LRRC7: variants seen among roughly 807,000 people sequenced by gnomAD.
The protein encoded by LRRC7 is leucine rich repeat containing 7, also known as leucine-rich repeat-containing protein 7.
In LRRC7, 23 loss-of-function variants were observed where a neutral mutation model predicts 175.7. The ratio of observed to expected loss-of-function variants is 0.13; its 90% CI spans 0.09 to 0.19. LRRC7 has a LOEUF of 0.19. LRRC7 is among the 10% of genes least tolerant of loss of function. The pLI is 1.00. For synonymous variants in LRRC7, 685 were observed against 680.9 expected (o/e 1.01, Z -0.09); for missense variants, 1,354 against 1,904.7 (o/e 0.71, Z 5.38).
chr1:69,599,153 G>A (rs923016793), intron 1 of LRRC7, among the ~76,000 whole-genome samples: 9 of 152,122 alleles, frequency 5.9e-5, no homozygotes, highest in African/African-American at 1.4e-4. Context: ...AAAAAAAAGG[G>A]CCAGATAGGA....
chr1:70,055,359 G>C (rs1661065932), intron 23 of LRRC7, among the ~76,000 whole-genome samples: 1 of 152,138 alleles, frequency 6.6e-6, no homozygotes, highest in African/African-American at 2.4e-5. Context: ...TTTATTTAAA[G>C]AGCACTCTGA....
chr1:69,685,802 A>C (rs768723026), intron 2 of LRRC7, among the ~76,000 whole-genome samples: 1 of 152,022 alleles, frequency 6.6e-6, no homozygotes, highest in Admixed American at 6.6e-5. Flanking sequence ...GGACAGAAAA[A>C]GTATTTGAAG....
intron 18 of LRRC7, among the ~76,000 whole-genome samples, chr1:70,035,060 A>G (rs1281536269): frequency 2.0e-5 from 3 of 152,150 alleles, no homozygotes; most frequent in African/African-American, 7.2e-5. Context: ...GTCCTCAAGT[A>G]TATTTTTTTC....
chr1:69,750,791 T>C (rs1669775591), intron 2 of LRRC7, among the ~76,000 whole-genome samples: 1 of 152,162 alleles, frequency 6.6e-6, no homozygotes, highest in South Asian at 2.1e-4. Context: ...TTAGCCCTTT[T>C]GTAAGGCATT....
At chr1:69,646,882 G>A (rs530163347) in intron 1 of LRRC7, among the ~76,000 whole-genome samples, 11 of 152,006 alleles carry the variant, frequency 7.2e-5, no homozygotes, top group Non-Finnish European at 1.5e-4. Flanking sequence ...GGTTTCACTG[G>A]CTATTCAGAT....
At chr1:70,032,799 C>A (rs1321257505) in intron 18 of LRRC7, among the ~76,000 whole-genome samples, 2 of 152,108 alleles carry the variant, frequency 1.3e-5, no homozygotes, top group East Asian at 3.9e-4. Context: ...TTCTTTATGG[C>A]AGTAGCAGCC....
chr1:70,052,001 C>A (rs1660784641), intron 22 of LRRC7, among the ~76,000 whole-genome samples: 2 of 152,130 alleles, frequency 1.3e-5, no homozygotes, highest in South Asian at 4.1e-4. Flanking sequence ...CAATTCCTTA[C>A]ACAAAATATA....
chr1:69,954,281 GT>G, intron 8 of LRRC7, among the ~76,000 whole-genome samples: 1 of 152,146 alleles, frequency 6.6e-6, no homozygotes, highest in East Asian at 1.9e-4. Context: ...GATTAAATTA[GT>G]TTAACAAGAG....
intron 8 of LRRC7, among the ~76,000 whole-genome samples, chr1:69,975,040 TTAAA>T (rs1652670022): frequency 6.6e-6 from 1 of 152,228 alleles, no homozygotes; most frequent in East Asian, 1.9e-4. Flanking sequence ...TATTATGTTC[TTAAA>T]TAGATTAAAT....
At chr1:69,829,183 G>A (rs1451799051) in intron 5 of LRRC7, among the ~76,000 whole-genome samples, 1 of 151,802 alleles carries the variant, frequency 6.6e-6, no homozygotes, top group Non-Finnish European at 1.5e-5. Context: ...TACAAATAAG[G>A]AAATCAACTA....
At chr1:69,938,240 C>T (rs946041253) in intron 8 of LRRC7, among the ~76,000 whole-genome samples, 1 of 151,912 alleles carries the variant, frequency 6.6e-6, no homozygotes, top group Non-Finnish European at 1.5e-5. Context: ...ATCAAGCAGT[C>T]GTTATAAAAA....
In LRRC7 at chr1:69,752,384, T is replaced by C. The variant is rs967351748; in HGVS notation, c.101-7807T>C. ...AAGAAATCTTGGAAAGACTGAACTT[T>C]CCTTTGTCTCTTTCTCTTTCCAGGT... On this transcript the variant is annotated intron_variant, in intron 2 of 26. Coordinates refer to ENST00000651989, the MANE Select transcript of LRRC7 (RefSeq NM_001370785.2). Among the ~76,000 whole-genome samples, 17 of 152,184 alleles carry C rather than the reference T, an allele frequency of 1.1e-4. 1 individual carries two copies. The highest frequency in any genetic ancestry group is 9.2e-4 in the Admixed American group (14 of 15,260).
At chr1:69,739,955 C>T (rs1418733133) in intron 2 of LRRC7, among the ~76,000 whole-genome samples, 1 of 152,014 alleles carries the variant, frequency 6.6e-6, no homozygotes, top group Admixed American at 6.6e-5. Flanking sequence ...GGTTTTATAA[C>T]TATCCAGTGT....
intron 7 of LRRC7, among the ~76,000 whole-genome samples, chr1:69,857,079 A>C (rs550876210): frequency 4.1e-4 from 62 of 152,146 alleles, no homozygotes; most frequent in African/African-American, 1.3e-3. Flanking sequence ...CATGCTAAAA[A>C]CTCTCAATAA....
chr1:69,764,762 TAGATAGATAGATAGATAGACAGACAGAC>T (rs1557698097), intron 3 of LRRC7, among the ~76,000 whole-genome samples: 2 of 148,998 alleles, frequency 1.3e-5, no homozygotes, highest in Admixed American at 6.7e-5. Context: ...GATAGATAGA[TAGATAGATAGATAGATAGACAGACAGAC>T]AGATAGATAA....
chr1:70,078,820 A>ACG (rs1553200904), intron 24 of LRRC7, among the ~76,000 whole-genome samples: 1 of 124,262 alleles, frequency 8.0e-6, no homozygotes, highest in South Asian at 3.1e-4. Flanking sequence ...GCACACACAC[A>ACG]CACGCACACA....
chr1:69,671,517 G>A (rs1403686217), intron 1 of LRRC7, among the ~76,000 whole-genome samples: 2 of 152,112 alleles, frequency 1.3e-5, no homozygotes, highest in African/African-American at 4.8e-5. Context: ...TATCTCAGTA[G>A]GTCACATATG....
intron 4 of LRRC7, 147 bp downstream of exon 4, chr1:69,792,307 A>G: frequency 1.8e-6 from 1 of 565,674 alleles, no homozygotes. Context: ...TTAAATCCTA[A>G]ATTTTAAGTC....
At chr1:70,041,612 C>A (rs1388924711) in intron 21 of LRRC7, among the ~76,000 whole-genome samples, 1 of 152,098 alleles carries the variant, frequency 6.6e-6, no homozygotes, top group Non-Finnish European at 1.5e-5. Flanking sequence ...GTAGACACGA[C>A]CATACGTAAC....
Sources: gnomAD v4.1 joint callset for allele counts (sites outside exome capture counted in the v4.1 genomes callset) on GRCh38, gnomAD v4.1.1 for gene constraint, MANE v1.5 for transcripts, NCBI Gene and HGNC (gene_info 2026-07-23, HGNC 2026-07-21) for gene names.